Variants in KLHL3 observed in about 807,000 individuals in gnomAD.
KLHL3 encodes the protein kelch-like protein 3.
Under a neutral mutation model 70.5 loss-of-function variants are expected in KLHL3, and 19 were observed. The observed-to-expected ratio is 0.27, with a 90% CI of 0.19 to 0.40. KLHL3 has a LOEUF of 0.40. Among genes scored for constraint, KLHL3 ranks in the 10% least tolerant of loss-of-function variants. The pLI is 1.00. For missense variants in KLHL3, 512 were observed against 771.1 expected, an observed-to-expected ratio of 0.66 and a Z score of 3.98; for synonymous variants, 258 against 290.3, an observed-to-expected ratio of 0.89 and a Z score of 1.13.
At chr5:137,631,089 A>AAAAAAAAAAAAAG (rs1554090059) in intron 12 of KLHL3, among the ~76,000 whole-genome samples, 3 of 141,906 alleles carry the variant, frequency 2.1e-5, no homozygotes, top group African/African-American at 8.6e-5. Context: ...AAAAAAAAAA[A>AAAAAAAAAAAAAG]AGAGAGAGAG....
At chr5:137,638,892 C>G in intron 10 of KLHL3, 61 bp downstream of exon 10, 1 of 1,513,770 alleles carries the variant, frequency 6.6e-7, no homozygotes, top group African/African-American at 1.4e-5. Context: ...CTGAATAAAA[C>G]AGGGTTGCAT....
intron 8 of KLHL3, among the ~76,000 whole-genome samples, chr5:137,641,277 C>T (rs1750908082): frequency 6.6e-6 from 1 of 152,164 alleles, no homozygotes; most frequent in South Asian, 2.1e-4. Context: ...TCTTATTTAC[C>T]CAGTGGTTCT....
chr5:137,662,240 T>TACACACACACACACACAC (rs138942924), intron 6 of KLHL3, among the ~76,000 whole-genome samples: 2 of 141,768 alleles, frequency 1.4e-5, no homozygotes, highest in South Asian at 2.3e-4. Context: ...ACACACACTC[T>TACACACACACACACACAC]ACACACACAC....
chr5:137,732,224 C>A (rs1191328112), intron 1 of KLHL3, among the ~76,000 whole-genome samples: 2 of 152,044 alleles, frequency 1.3e-5, no homozygotes, highest in Non-Finnish European at 2.9e-5. Context: ...GCCAGAGACC[C>A]TTTCCCTTTG....
rs1280723794 is a variant in KLHL3 at position 137,687,339 on chromosome 5, C to T, written c.526+4946G>A. ...GCTGCCCCGTCCGGGAGGTGAGGGG[C>T]GCCTCTGCCCAGCCGCCCCTACTGG... On this transcript the variant is annotated intron_variant, in intron 5 of 14. Transcript: ENST00000309755. Among the ~76,000 whole-genome samples, 2 of 35,574 alleles carry T rather than the reference C, an allele frequency of 5.6e-5. 1 individual carries two copies. The highest frequency in any genetic ancestry group is 0.026 in the East Asian group (2 of 78). 23.3% of individuals were successfully genotyped at this position (35,574 alleles called of 152,430 possible). A position where few individuals can be genotyped will look rare whatever the true frequency, so the allele number is the denominator to read the frequency against.
At chr5:137,647,726 G>T in intron 8 of KLHL3, 1 of 401,182 alleles carries the variant, frequency 2.5e-6, no homozygotes, top group Non-Finnish European at 5.3e-6. Flanking sequence ...AGCAACAGTT[G>T]CTCTAGGCAA....
In KLHL3 at chr5:137,735,931, G is replaced by C; in HGVS notation, c.-285C>G. On this transcript the variant is annotated 5_prime_UTR_variant, in exon 1 of 15. Transcript: ENST00000309755. ...ACCCACTTGCTCCCCCTCCCCCGCAGGCTTGCTGCTCCTTGGTCTCCTAGG... is the reference window on the plus strand; with the variant it reads ...ACCCACTTGCTCCCCCTCCCCCGCACGCTTGCTGCTCCTTGGTCTCCTAGG... 1 of 511,972 alleles carries C rather than the reference G, an allele frequency of 2.0e-6. No homozygotes were observed. 31.7% of individuals were successfully genotyped at this position (511,972 alleles called of 1,614,324 possible). A position where few individuals can be genotyped will look rare whatever the true frequency, so the allele number is the denominator to read the frequency against.
chr5:137,648,736 G>A (rs140024591), intron 8 of KLHL3, among the ~76,000 whole-genome samples: 7 of 152,316 alleles, frequency 4.6e-5, no homozygotes, highest in South Asian at 2.1e-4. Context: ...TCAGGGAAAG[G>A]ACTTGGCTGG....
chr5:137,631,424 T>C (rs1352011325), intron 12 of KLHL3, among the ~76,000 whole-genome samples: 1 of 149,386 alleles, frequency 6.7e-6, no homozygotes, highest in African/African-American at 2.6e-5. Context: ...GGGGAATAGG[T>C]TGAAGTGAGG....
chr5:137,715,918 G>A (rs1752883371), intron 2 of KLHL3, among the ~76,000 whole-genome samples: 1 of 152,164 alleles, frequency 6.6e-6, no homozygotes, highest in Non-Finnish European at 1.5e-5. Flanking sequence ...TTTTATGGTT[G>A]ACAAAAGTGA....
In KLHL3 at chr5:137,735,688, T is replaced by C; in HGVS notation, c.-42A>G. On this transcript the variant is annotated 5_prime_UTR_variant, in exon 1 of 15. Coordinates refer to ENST00000309755, the MANE Select transcript of KLHL3 (RefSeq NM_017415.3). ...AGGGTGGTAGCTGCTGAACTGTGTA[T>C]GCACTCGGGGATCCTAGTTCTGTTC... is the stretch of plus-strand genomic sequence containing the variant. 2.5e-6 allele frequency: 4 copies of C among 1,614,088 alleles called. No homozygotes were observed. The highest frequency in any genetic ancestry group is 3.4e-6 in the Non-Finnish European group (4 of 1,179,908).
At chr5:137,733,241 A>G (rs542265796) in intron 1 of KLHL3, among the ~76,000 whole-genome samples, 1 of 152,238 alleles carries the variant, frequency 6.6e-6, no homozygotes, top group Admixed American at 6.5e-5. Flanking sequence ...TTCTCCCCCT[A>G]CCTCAAAGCA....
At chr5:137,688,583 G>A (rs897236486) in intron 5 of KLHL3, among the ~76,000 whole-genome samples, 9 of 152,176 alleles carry the variant, frequency 5.9e-5, no homozygotes, top group African/African-American at 2.2e-4. Flanking sequence ...CTAGCCACAT[G>A]CACTCCTCAG....
At chr5:137,704,254 G>A (rs183717933) in intron 3 of KLHL3, among the ~76,000 whole-genome samples, 4,190 of 152,024 alleles carry the variant, frequency 0.028, 148 homozygotes, top group African/African-American at 0.083. Flanking sequence ...GCGCGGTGGC[G>A]GGCGCCTGTA....
At chr5:137,631,069 C>CAAAAAAAAAAAAAAAAAA (rs70979549) in intron 12 of KLHL3, among the ~76,000 whole-genome samples, 2 of 105,790 alleles carry the variant, frequency 1.9e-5, no homozygotes, top group African/African-American at 3.6e-5. Context: ...TCCAAAAATA[C>CAAAAAAAAAAAAAAAAAA]AAAAAAAAAA....
chr5:137,712,594 T>A (rs1449771520), intron 2 of KLHL3, among the ~76,000 whole-genome samples: 1 of 152,220 alleles, frequency 6.6e-6, no homozygotes, highest in Non-Finnish European at 1.5e-5. Flanking sequence ...AAGCACTGCA[T>A]GGCTCACAAG....
At chr5:137,677,764 G>A (rs1011481672) in intron 5 of KLHL3, 110 bp from the exon 6 acceptor site, 3 of 576,116 alleles carry the variant, frequency 5.2e-6, no homozygotes, top group East Asian at 6.3e-5. Context: ...AGGCCAGGGG[G>A]ACCATGGAGG....
Position 137,628,353 on chromosome 5 carries a change from G to A in KLHL3, c.1535C>T (p.Pro512Leu), listed in dbSNP as rs371203852. 2 of 1,613,932 alleles carry A rather than the reference G, an allele frequency of 1.2e-6. No homozygotes were observed. The highest frequency in any genetic ancestry group is 2.7e-5 in the African/African-American group (2 of 74,850). ...CACTTGCTTCCAGGTATTTGTTCCAGGATCGTAAACCTCAACGCTCTTCCT... is the reference window on the plus strand; with the variant it reads ...CACTTGCTTCCAGGTATTTGTTCCAAGATCGTAAACCTCAACGCTCTTCCT... The part of the protein sequence containing the change: ...LVRKSVEVYD[P>L]GTNTWKQVAD... The change falls in exon 13 of 15, where the codon CCT (proline) becomes CTT (leucine). Residue 512 changes from proline (P) to leucine (L), a missense_variant. By Grantham distance (98) the Pro-to-Leu change is moderately conservative (BLOSUM62 -3). Coordinates refer to ENST00000309755, the MANE Select transcript of KLHL3 (RefSeq NM_017415.3).
intron 1 of KLHL3, among the ~76,000 whole-genome samples, chr5:137,733,722 C>G (rs1354460688): frequency 6.6e-6 from 1 of 152,132 alleles, no homozygotes; most frequent in Non-Finnish European, 1.5e-5. Context: ...AAAAGAAACT[C>G]TGGGAGCTAA....
Sources: gnomAD v4.1 joint callset for allele counts (sites outside exome capture counted in the v4.1 genomes callset) on GRCh38, gnomAD v4.1.1 for gene constraint, MANE v1.5 for transcripts, NCBI Gene and HGNC (gene_info 2026-07-23, HGNC 2026-07-21) for gene names.